Variants in MTMR1 observed in about 807,000 individuals in gnomAD.
The protein encoded by MTMR1 is myotubularin related protein 1, also known as phosphatidylinositol-3-phosphate phosphatase MTMR1.
MTMR1 carries 17 observed loss-of-function variants against 51.6 expected under a neutral mutation model. The ratio of observed to expected loss-of-function variants is 0.33; its 90% CI spans 0.23 to 0.49. The LOEUF (loss-of-function observed/expected upper bound fraction) is 0.49, where lower values mean the gene tolerates loss of function less well. Among genes scored for constraint, MTMR1 ranks in the 20% least tolerant of loss-of-function variants. The probability of loss-of-function intolerance (pLI) is 0.99; values close to 1 mark genes in which losing one functional copy is unlikely to be tolerated. For synonymous variants in MTMR1, 201 were observed against 205.6 expected (o/e 0.98, Z 0.19); for missense variants, 386 against 526.9 (o/e 0.73, Z 2.62).
intron 10 of MTMR1, among the ~76,000 whole-genome samples, chrX:150,733,054 T>C (rs2042162537): frequency 8.9e-6 from 1 of 112,575 alleles, no homozygotes; most frequent in Non-Finnish European, 1.9e-5. Flanking sequence ...GTTTAAGGAA[T>C]ATAGTGGTTA....
At chrX:150,694,266 T>C (rs1557415676) in intron 1 of MTMR1, among the ~76,000 whole-genome samples, 2 of 111,951 alleles carry the variant, frequency 1.8e-5, no homozygotes, top group Non-Finnish European at 3.8e-5. Flanking sequence ...CTTTCAGTTC[T>C]TCACACTTTG....
chrX:150,747,287 C>CA (rs1234641900), intron 13 of MTMR1, among the ~76,000 whole-genome samples: 42 of 105,959 alleles, frequency 4.0e-4, no homozygotes, highest in Non-Finnish European at 3.9e-4. Context: ...CCCATCTCTT[C>CA]AAAAAAAAAA....
chrX:150,738,793 G>A (rs975191589), intron 12 of MTMR1, among the ~76,000 whole-genome samples: 1 of 111,797 alleles, frequency 8.9e-6, no homozygotes, highest in African/African-American at 3.3e-5. Flanking sequence ...ACATTGCTGA[G>A]CTACCGAATG....
intron 10 of MTMR1, among the ~76,000 whole-genome samples, chrX:150,734,134 T>C (rs2042196914): frequency 8.9e-6 from 1 of 112,300 alleles, no homozygotes; most frequent in African/African-American, 3.2e-5. Context: ...GCCACATCAC[T>C]CCAATCTCTT....
intron 1 of MTMR1, among the ~76,000 whole-genome samples, chrX:150,695,659 AT>A (rs1372247692): frequency 8.9e-6 from 1 of 112,028 alleles, no homozygotes; most frequent in Non-Finnish European, 1.9e-5. Flanking sequence ...CTCTGGACAT[AT>A]CAATTTTGAG....
At chrX:150,706,714 C>A (rs1385738435) in intron 2 of MTMR1, among the ~76,000 whole-genome samples, 2 of 112,090 alleles carry the variant, frequency 1.8e-5, no homozygotes, top group Non-Finnish European at 3.8e-5. Context: ...ACATTTAGCA[C>A]AATTCCTATC....
rs2042298142 is a variant in MTMR1, at chrX:150,737,197, T to C, written c.1267-45T>C. On this transcript the variant is annotated intron_variant, in intron 11 of 15. Coordinates refer to ENST00000445323, the MANE Select transcript of MTMR1 (RefSeq NM_001306144.3). Reference sequence around the variant, plus strand: ...TATTTTACATTGTTTTACATTTAATTGAAATTCAATGTAGCCTGGTCTAAT... The same window carrying C: ...TATTTTACATTGTTTTACATTTAATCGAAATTCAATGTAGCCTGGTCTAAT... The C allele has an allele frequency of 4.5e-6, 5 of 1,117,703 alleles. No individual in the cohort carries two copies. The Admixed American group carries it at 6.7e-5, about 15-fold the overall frequency. 92.1% of individuals were successfully genotyped at this position (1,117,703 alleles called of 1,213,427 possible). A position where few individuals can be genotyped will look rare whatever the true frequency, so the allele number is the denominator to read the frequency against.
intron 2 of MTMR1, among the ~76,000 whole-genome samples, chrX:150,702,171 C>A (rs1557415962): frequency 9.4e-6 from 1 of 105,972 alleles, no homozygotes; most frequent in African/African-American, 3.5e-5. Flanking sequence ...ATCCTCCCAT[C>A]TCGGCCTCCC....
intron 14 of MTMR1, 118 bp downstream of exon 14, chrX:150,750,961 T>C: frequency 4.7e-6 from 5 of 1,065,152 alleles, no homozygotes; most frequent in Non-Finnish European, 5.1e-6. Context: ...TATTGCTGAC[T>C]GTAAATGCCC....
In MTMR1 at chrX:150,697,607, T is replaced by C. The variant is rs1402161475; in HGVS notation, c.147-1588T>C. On this transcript the variant is annotated intron_variant, in intron 1 of 15. Transcript: ENST00000445323. ...ATTGTTAAATCTCTTACTGCGCTAGTTGGCTTATGTGGTCTTTCAGGTCAG... is the reference window on the plus strand; with the variant it reads ...ATTGTTAAATCTCTTACTGCGCTAGCTGGCTTATGTGGTCTTTCAGGTCAG... 6.3e-5 allele frequency among the ~76,000 whole-genome samples: 7 copies of C among 111,588 alleles called. No homozygotes were observed. The Admixed American group carries it at 6.6e-4, about 11-fold the overall frequency.
chrX:150,731,616 C>T lies in MTMR1; in HGVS notation c.888C>T (p.Val296=). The change falls in exon 9 of 16, where the codon GTC becomes GTT. Residue 296 remains valine, a synonymous_variant. Coordinates refer to ENST00000445323, the MANE Select transcript of MTMR1 (RefSeq NM_001306144.3). ...CAGCTTTTCGAGCAAAAGGCAGAGT[C>T]CCTGTAAGTAATAAACATTGTCATT... is the stretch of plus-strand genomic sequence containing the variant. ...KVAAFRAKGR[V]PVLSWIHPES... is the part of the protein sequence containing the mutation. 8.4e-7 allele frequency: 1 copy of T among 1,192,399 alleles called. No individual in the cohort carries two copies. Among genetic ancestry groups the T allele is most frequent in the South Asian group, 1.9e-5 (1 of 52,864 alleles).
At chrX:150,735,614 A>C (rs1054501497) in intron 10 of MTMR1, 3 of 399,442 alleles carry the variant, frequency 7.5e-6, no homozygotes, top group Admixed American at 9.1e-5. Context: ...TCTCATCTCC[A>C]CATTATGACC....
intron 6 of MTMR1, 125 bp from the exon 7 acceptor site, chrX:150,729,984 A>T (rs782373149): frequency 2.8e-6 from 1 of 351,440 alleles, no homozygotes; most frequent in Admixed American, 5.6e-5. Flanking sequence ...GTGCCGTTGG[A>T]GCAGGATAAA....
intron 14 of MTMR1, chrX:150,751,269 A>C: frequency 1.4e-6 from 1 of 727,183 alleles, no homozygotes; most frequent in South Asian, 6.4e-5. Context: ...TTTACATCAA[A>C]GTAGTAAAGA....
chrX:150,751,918 T>C (rs2042748156), intron 14 of MTMR1, among the ~76,000 whole-genome samples: 2 of 90,828 alleles, frequency 2.2e-5, no homozygotes, highest in African/African-American at 8.9e-5. Context: ...TTCTTTTTTT[T>C]TTTTTTTTTT....
intron 2 of MTMR1, among the ~76,000 whole-genome samples, chrX:150,704,392 G>A (rs1306026243): frequency 4.5e-5 from 5 of 112,094 alleles, no homozygotes; most frequent in Admixed American, 1.9e-4. Flanking sequence ...CCAGTTGGGA[G>A]AGCCTGGTTT....
intron 1 of MTMR1, among the ~76,000 whole-genome samples, chrX:150,698,403 A>G (rs1321812602): frequency 8.9e-6 from 1 of 111,916 alleles, no homozygotes; most frequent in African/African-American, 3.3e-5. Context: ...TCTAGGCTGT[A>G]ATTTATAAAT....
intron 2 of MTMR1, among the ~76,000 whole-genome samples, chrX:150,707,646 T>C (rs1209852244): frequency 8.9e-6 from 1 of 112,412 alleles, no homozygotes; most frequent in African/African-American, 3.2e-5. Flanking sequence ...GTACAGCCAC[T>C]CTGGAAACAC....
chrX:150,720,936 T>C (rs2041724856), intron 4 of MTMR1, among the ~76,000 whole-genome samples: 1 of 111,937 alleles, frequency 8.9e-6, no homozygotes, highest in African/African-American at 3.2e-5. Flanking sequence ...TGCAGGTTTT[T>C]ACTATAGGTG....
Sources: gnomAD v4.1 joint callset for allele counts (sites outside exome capture counted in the v4.1 genomes callset) on GRCh38, gnomAD v4.1.1 for gene constraint, MANE v1.5 for transcripts, NCBI Gene and HGNC (gene_info 2026-07-23, HGNC 2026-07-21) for gene names.